Variants in SYT14 observed in about 807,000 individuals in gnomAD.
The protein encoded by SYT14 is synaptotagmin 14.
SYT14 carries 32 observed loss-of-function variants against 74.2 expected under a neutral mutation model. That is an observed-to-expected ratio of 0.43 (90% CI 0.33 to 0.58). SYT14 has a LOEUF of 0.58. SYT14 is among the 20% of genes least tolerant of loss of function. The pLI, the probability that SYT14 is intolerant of heterozygous loss-of-function variation, is 0.05. For synonymous variants in SYT14, 298 were observed against 337.7 expected (o/e 0.88, Z 1.29); for missense variants, 791 against 981.8 (o/e 0.81, Z 2.60).
At chr1:210,111,995 C>T (rs1242134734) in intron 7 of SYT14, among the ~76,000 whole-genome samples, 2 of 151,098 alleles carry the variant, frequency 1.3e-5, no homozygotes, top group East Asian at 3.9e-4. Context: ...TCACTGAATA[C>T]CAAGAGCCTG....
At chr1:210,096,699 G>A (rs548259961) in intron 6 of SYT14, among the ~76,000 whole-genome samples, 2 of 152,332 alleles carry the variant, frequency 1.3e-5, no homozygotes, top group South Asian at 2.1e-4. Flanking sequence ...GGCCACCAGT[G>A]AAGCTTGTCA....
rs540518070 is a variant in SYT14, at chr1:210,034,479, G to C, written c.1312+13225G>C. Among the ~76,000 whole-genome samples, 9 of 151,682 alleles carry C rather than the reference G, an allele frequency of 5.9e-5. No individual in the cohort carries two copies. The South Asian group carries it at 1.9e-3, about 32-fold the overall frequency. On this transcript the variant is annotated intron_variant, in intron 5 of 9. Transcript: ENST00000637265. ...AATAGATGTAAGGGGTACAAGTACA[G>C]TGTTGTTGCATAGATATATTGCATA...
At chr1:210,096,874 A>G (rs1402172037) in intron 6 of SYT14, among the ~76,000 whole-genome samples, 1 of 152,200 alleles carries the variant, frequency 6.6e-6, no homozygotes, top group Non-Finnish European at 1.5e-5. Flanking sequence ...TTTCTTTGGC[A>G]TATGTTACAA....
At chr1:210,071,445 A>G (rs746838116) in intron 5 of SYT14, among the ~76,000 whole-genome samples, 30 of 152,004 alleles carry the variant, frequency 2.0e-4, no homozygotes, top group Admixed American at 4.6e-4. Context: ...ATTGAATAAT[A>G]TAATTCCTGT....
At chr1:210,074,969 C>T (rs2081464012) in intron 5 of SYT14, among the ~76,000 whole-genome samples, 1 of 152,140 alleles carries the variant, frequency 6.6e-6, no homozygotes, top group Non-Finnish European at 1.5e-5. Context: ...AGGGTTCTTG[C>T]CTTAGTGTAC....
intron 2 of SYT14, among the ~76,000 whole-genome samples, chr1:209,989,940 G>A (rs780738945): frequency 3.3e-5 from 5 of 151,090 alleles, no homozygotes; most frequent in Admixed American, 6.6e-5. Context: ...GCTATATATT[G>A]GTCTGACTTT....
chr1:210,022,500 G>A (rs904407942), intron 5 of SYT14, among the ~76,000 whole-genome samples: 2 of 152,108 alleles, frequency 1.3e-5, no homozygotes, highest in African/African-American at 4.8e-5. Context: ...TACACCCCTG[G>A]TACATGAATA....
At chr1:210,127,170 T>C (rs1336457695) in intron 7 of SYT14, among the ~76,000 whole-genome samples, 1 of 152,220 alleles carries the variant, frequency 6.6e-6, no homozygotes, top group Non-Finnish European at 1.5e-5. Flanking sequence ...AAGCTGAGTA[T>C]TATAAAAGCA....
At chr1:210,137,829 C>T (rs182342015) in intron 7 of SYT14, among the ~76,000 whole-genome samples, 65 of 152,060 alleles carry the variant, frequency 4.3e-4, no homozygotes, top group African/African-American at 1.4e-3. Flanking sequence ...TACAGGCATG[C>T]GCCACCACGC....
intron 5 of SYT14, among the ~76,000 whole-genome samples, chr1:210,070,813 A>G (rs2081378944): frequency 6.6e-6 from 1 of 151,788 alleles, no homozygotes; most frequent in Admixed American, 6.6e-5. Context: ...TTAACAGAAC[A>G]TGGGATTGTC....
At chr1:210,109,810 C>G (rs190460557) in intron 7 of SYT14, among the ~76,000 whole-genome samples, 8 of 152,082 alleles carry the variant, frequency 5.3e-5, no homozygotes, top group Admixed American at 4.6e-4. Context: ...TATAGAGACA[C>G]GTACACATGT....
At chr1:210,052,665 C>CAAAAAAAGAAAAAA (rs2081021261) in intron 5 of SYT14, among the ~76,000 whole-genome samples, 1 of 42,252 alleles carries the variant, frequency 2.4e-5, no homozygotes, top group Non-Finnish European at 4.2e-5. Context: ...TACATCTCAC[C>CAAAAAAAGAAAAAA]AAAAAAAAAA....
At chr1:210,128,291 T>G (rs558229683) in intron 7 of SYT14, among the ~76,000 whole-genome samples, 1 of 152,036 alleles carries the variant, frequency 6.6e-6, no homozygotes, top group East Asian at 1.9e-4. Flanking sequence ...GTGGGAGGAT[T>G]GCTTGAGGCT....
intron 2 of SYT14, among the ~76,000 whole-genome samples, chr1:209,984,297 T>TA (rs976856573): frequency 8.5e-5 from 13 of 152,204 alleles, no homozygotes; most frequent in African/African-American, 3.1e-4. Context: ...GTTTTGTGCA[T>TA]ACTGTTCTCT....
At chr1:210,162,921 C>G (rs2083402343) in exon 10 of SYT14, 1 of 452,526 alleles carries the variant, frequency 2.2e-6, no homozygotes, top group East Asian at 6.9e-5. Context: ...CATCAATGAG[C>G]TTTTTCCAGG....
At chr1:210,124,409 T>C (rs1421543846) in intron 7 of SYT14, among the ~76,000 whole-genome samples, 1 of 152,026 alleles carries the variant, frequency 6.6e-6, no homozygotes, top group Non-Finnish European at 1.5e-5. Context: ...GGGGAGGAAG[T>C]TGTATTAAAA....
intron 5 of SYT14, among the ~76,000 whole-genome samples, chr1:210,037,476 G>C (rs1196323306): frequency 6.8e-6 from 1 of 147,184 alleles, no homozygotes; most frequent in Non-Finnish European, 1.5e-5. Context: ...TTTTGGGTTT[G>C]GTTTTCTCAC....
intron 2 of SYT14, among the ~76,000 whole-genome samples, chr1:210,008,407 A>G (rs945504775): frequency 3.9e-5 from 6 of 152,018 alleles, no homozygotes; most frequent in African/African-American, 1.4e-4. Flanking sequence ...GCTCTCGCTC[A>G]GGCTGGAATG....
intron 1 of SYT14, among the ~76,000 whole-genome samples, chr1:209,951,557 T>G (rs4844924): frequency 0.035 from 5,297 of 152,250 alleles, 617 homozygotes; most frequent in Admixed American, 0.23. Flanking sequence ...CTTTTAAAGT[T>G]AAACATGCAC....
Sources: allele counts gnomAD v4.1 joint callset (sites outside exome capture counted in the v4.1 genomes callset), GRCh38; gene constraint gnomAD v4.1.1; transcripts MANE v1.5; gene names NCBI Gene and HGNC (gene_info 2026-07-23, HGNC 2026-07-21).